Variants in MAP3K1 observed in about 807,000 individuals in gnomAD.
MAP3K1 encodes MAP/ERK kinase kinase 1.
Under a neutral mutation model 144.2 loss-of-function variants are expected in MAP3K1, and 36 were observed. That is an observed-to-expected ratio of 0.25 (90% confidence interval 0.19 to 0.33). MAP3K1 has a LOEUF of 0.33. Among genes scored for constraint, MAP3K1 ranks in the 10% least tolerant of loss-of-function variants. MAP3K1 has a pLI of 1.00. For synonymous variants in MAP3K1, 718 were observed against 688.7 expected (o/e 1.04, Z -0.67); for missense variants, 1,650 against 1,881.9 (o/e 0.88, Z 2.28).
intron 9 of MAP3K1, 114 bp from the exon 10 acceptor site, chr5:56,874,918 A>G: frequency 9.2e-7 from 1 of 1,085,682 alleles, no homozygotes; most frequent in Admixed American, 1.7e-5. Context: ...AGGATGGTAA[A>G]GATTTCAGAA....
chr5:56,861,590 A>AAAAAGG (rs1554033753), intron 3 of MAP3K1, among the ~76,000 whole-genome samples: 2 of 134,584 alleles, frequency 1.5e-5, no homozygotes, highest in African/African-American at 6.0e-5. Flanking sequence ...AAAAAAAAAA[A>AAAAAGG]GGGGCTATTA....
chr5:56,896,115 G>A lies in MAP3K1; in HGVS notation c.*2435G>A, dbSNP rs549903260. The A allele has an allele frequency of 4.4e-6, 1 of 225,286 alleles. No homozygotes were observed. The highest frequency in any genetic ancestry group is 8.8e-6 in the Non-Finnish European group (1 of 113,362). The allele number at this position is 225,286 out of a possible 1,614,324, so 14.0% of individuals were successfully genotyped here. A position where few individuals can be genotyped will look rare whatever the true frequency, so the allele number is the denominator to read the frequency against. Reference sequence around the variant, plus strand: ...TTATAGTATTTGTACCTATTTTGGTGTTTTTGTCTTTATAGTAAATAAAAG... The same window carrying A: ...TTATAGTATTTGTACCTATTTTGGTATTTTTGTCTTTATAGTAAATAAAAG... On this transcript the variant is annotated 3_prime_UTR_variant, in exon 20 of 20. Transcript: ENST00000399503.
intron 14 of MAP3K1, 93 bp downstream of exon 14, chr5:56,882,959 C>T: frequency 2.0e-6 from 2 of 991,376 alleles, no homozygotes; most frequent in Non-Finnish European, 3.1e-6. Context: ...GAGGCTGAGG[C>T]CGAAGGATTG....
intron 6 of MAP3K1, among the ~76,000 whole-genome samples, chr5:56,868,312 G>GA (rs1747739080): frequency 6.6e-6 from 1 of 151,728 alleles, no homozygotes; most frequent in Admixed American, 6.6e-5. Flanking sequence ...TTTTGCTTCA[G>GA]AAAAAACTAT....
chr5:56,824,486 G>A (rs978530826), intron 1 of MAP3K1, among the ~76,000 whole-genome samples: 1 of 152,228 alleles, frequency 6.6e-6, no homozygotes, highest in East Asian at 1.9e-4. Context: ...AAAGGCAGCA[G>A]TGTTGGCACA....
At chr5:56,841,951 A>G (rs1746827676) in intron 1 of MAP3K1, 2 of 152,360 alleles carry the variant, frequency 1.3e-5, no homozygotes, top group Middle Eastern at 3.4e-3. Flanking sequence ...TATTTCAAGC[A>G]TACAGAAAGA....
chr5:56,839,214 G>A (rs1746740256), intron 1 of MAP3K1, among the ~76,000 whole-genome samples: 1 of 152,200 alleles, frequency 6.6e-6, no homozygotes, highest in Non-Finnish European at 1.5e-5. Context: ...AAACACACCA[G>A]TATCCGAATT....
At chr5:56,848,590 T>G (rs1747070060) in intron 1 of MAP3K1, among the ~76,000 whole-genome samples, 1 of 152,232 alleles carries the variant, frequency 6.6e-6, no homozygotes, top group Non-Finnish European at 1.5e-5. Flanking sequence ...TACAGTATGA[T>G]TATCTATTAA....
intron 19 of MAP3K1, among the ~76,000 whole-genome samples, chr5:56,892,491 T>C (rs2111973344): frequency 6.6e-6 from 1 of 152,238 alleles, no homozygotes; most frequent in East Asian, 1.9e-4. Context: ...TGATAACAAT[T>C]ATATGGATAA....
chr5:56,834,356 C>G (rs946496437), intron 1 of MAP3K1, among the ~76,000 whole-genome samples: 16 of 152,132 alleles, frequency 1.1e-4, no homozygotes, highest in Non-Finnish European at 1.6e-4. Flanking sequence ...TTACTTGTAG[C>G]TAATTTCATA....
In MAP3K1 at chr5:56,880,785, G is replaced by C; in HGVS notation, c.2162G>C (p.Arg721Thr). 6.2e-7 allele frequency: 1 copy of C among 1,613,418 alleles called. No homozygotes were observed. Among genetic ancestry groups the C allele is most frequent in the Non-Finnish European group, 8.5e-7 (1 of 1,179,498 alleles). ...CAAGCAGGAGAGTTGGCAGTTGGCAGAGAAATACTAAAAGCTGGTAATAAC... is the reference window on the plus strand; with the variant it reads ...CAAGCAGGAGAGTTGGCAGTTGGCACAGAAATACTAAAAGCTGGTAATAAC... ...KGQAGELAVG[R>T]EILKAGSIGI... Residue 721 changes from arginine (R) to threonine (T), a missense_variant, in exon 12 of 20, where the codon AGA becomes ACA. Transcript: ENST00000399503.
chr5:56,867,332 C>T (rs1260832250), intron 6 of MAP3K1, among the ~76,000 whole-genome samples: 2 of 151,990 alleles, frequency 1.3e-5, no homozygotes, highest in African/African-American at 2.4e-5. Context: ...ATTTTTGTTT[C>T]GTATAACCAC....
At chr5:56,829,033 C>G (rs1448412289) in intron 1 of MAP3K1, among the ~76,000 whole-genome samples, 7 of 151,996 alleles carry the variant, frequency 4.6e-5, no homozygotes. Flanking sequence ...TTTCACTATT[C>G]TATTATTTTG....
chr5:56,861,017 A>G (rs1747492279), intron 3 of MAP3K1, among the ~76,000 whole-genome samples: 1 of 152,208 alleles, frequency 6.6e-6, no homozygotes, highest in South Asian at 2.1e-4. Flanking sequence ...GTGATAACAA[A>G]TGTGATTATT....
chr5:56,833,431 C>T (rs1398046935), intron 1 of MAP3K1, among the ~76,000 whole-genome samples: 1 of 152,140 alleles, frequency 6.6e-6, no homozygotes, highest in Non-Finnish European at 1.5e-5. Flanking sequence ...ACATGCTTCT[C>T]ATTTGGTGCC....
intron 1 of MAP3K1, among the ~76,000 whole-genome samples, chr5:56,848,818 T>A (rs1004381723): frequency 6.6e-6 from 1 of 152,190 alleles, no homozygotes; most frequent in Non-Finnish European, 1.5e-5. Flanking sequence ...TCAATCAGAA[T>A]CACTAAGGTG....
At chr5:56,858,574 TTAAGTA>T (rs1747408269) in intron 2 of MAP3K1, among the ~76,000 whole-genome samples, 1 of 152,216 alleles carries the variant, frequency 6.6e-6, no homozygotes, top group African/African-American at 2.4e-5. Context: ...TTTTTATACT[TTAAGTA>T]AGTTGTGTCA....
In MAP3K1 at chr5:56,892,366, A is replaced by C. The variant is rs534075398; in HGVS notation, c.4390-1165A>C. 2.0e-5 allele frequency among the ~76,000 whole-genome samples: 3 copies of C among 152,310 alleles called. No individual in the cohort carries two copies. The East Asian group carries it at 5.8e-4, about 29-fold the overall frequency. On this transcript the variant is annotated intron_variant, in intron 19 of 19. Coordinates refer to ENST00000399503, the MANE Select transcript of MAP3K1 (RefSeq NM_005921.2). Reference sequence around the variant, plus strand: ...GTATAAGAATGCTTGTGATTTTTGCACATTGATTTTGTATCCTGAGACTTT... The same window carrying C: ...GTATAAGAATGCTTGTGATTTTTGCCCATTGATTTTGTATCCTGAGACTTT...
chr5:56,825,960 CGTT>C (rs1042846054), intron 1 of MAP3K1, among the ~76,000 whole-genome samples: 12 of 149,606 alleles, frequency 8.0e-5, no homozygotes, highest in Non-Finnish European at 1.6e-4. Context: ...CTCAACTGAC[CGTT>C]CTTCTTTTTT....
Sources: gnomAD v4.1 joint callset for allele counts (sites outside exome capture counted in the v4.1 genomes callset) on GRCh38, gnomAD v4.1.1 for gene constraint, MANE v1.5 for transcripts, NCBI Gene and HGNC (gene_info 2026-07-23, HGNC 2026-07-21) for gene names.